The following PNPLA8 variants were observed in gnomAD, a reference collection of about 807,000 sequenced individuals.
The protein encoded by PNPLA8 is calcium-independent phospholipase A2-gamma.
Under a neutral mutation model 76.9 loss-of-function variants are expected in PNPLA8, and 39 were observed. That is an observed-to-expected ratio of 0.51 (90% CI 0.39 to 0.66). PNPLA8 has a LOEUF of 0.66. PNPLA8 is among the 30% of genes least tolerant of loss of function. The probability of loss-of-function intolerance (pLI) is 0.00; values close to 1 mark genes in which losing one functional copy is unlikely to be tolerated. For synonymous variants in PNPLA8, 301 were observed against 307.9 expected (o/e 0.98, Z 0.24); for missense variants, 887 against 918.0 (o/e 0.97, Z 0.44).
chr7:108,515,338 T>C lies in PNPLA8; in HGVS notation c.154A>G (p.Thr52Ala). The change falls in exon 3 of 11, where the codon ACA becomes GCA. Residue 52 changes from threonine (T) to alanine (A), a missense_variant. Transcript: ENST00000257694. ...GTCCATTTACATCTTATTATGTTTG[T>C]ATGAAAACCTCTTTGTAGACTGATG... Reference protein sequence around the residue: ...SHISLQRGFHTNIIRCKWTKS... With the variant: ...SHISLQRGFHANIIRCKWTKS... 2 of 1,613,738 alleles carry C rather than the reference T, an allele frequency of 1.2e-6. No individual in the cohort carries two copies. The highest frequency in any genetic ancestry group is 1.7e-6 in the Non-Finnish European group (2 of 1,179,842).
chr7:108,486,065 C>T (rs1031480010), intron 9 of PNPLA8, among the ~76,000 whole-genome samples: 1 of 152,030 alleles, frequency 6.6e-6, no homozygotes, highest in Non-Finnish European at 1.5e-5. Flanking sequence ...TATCACTAAT[C>T]TATCTGAAAT....
chr7:108,504,539 C>G (rs1199516295), intron 4 of PNPLA8, among the ~76,000 whole-genome samples: 1 of 152,144 alleles, frequency 6.6e-6, no homozygotes, highest in Non-Finnish European at 1.5e-5. Context: ...AACAAAGACC[C>G]AATTCACCCT....
intron 4 of PNPLA8, among the ~76,000 whole-genome samples, chr7:108,506,729 A>C (rs113669945): frequency 2.1e-3 from 323 of 152,214 alleles, no homozygotes; most frequent in African/African-American, 7.0e-3. Flanking sequence ...AACCAGACAT[A>C]TAAGAACACA....
At chr7:108,483,296 T>C (rs1345877013) in intron 9 of PNPLA8, among the ~76,000 whole-genome samples, 1 of 152,196 alleles carries the variant, frequency 6.6e-6, no homozygotes, top group Admixed American at 6.5e-5. Context: ...CACCAATGTG[T>C]AGCTTTGTGA....
chr7:108,480,636 C>A (rs906552492), intron 9 of PNPLA8: 1 of 301,196 alleles, frequency 3.3e-6, no homozygotes, highest in Admixed American at 3.5e-5. Context: ...CTAGTTCAGT[C>A]TCCCACATAT....
chr7:108,483,464 A>G (rs978971117), intron 9 of PNPLA8, among the ~76,000 whole-genome samples: 1 of 152,232 alleles, frequency 6.6e-6, no homozygotes, highest in Non-Finnish European at 1.5e-5. Context: ...CTTCAAAGTC[A>G]CGCATTGAAC....
At chr7:108,486,448 C>G (rs983252172) in intron 9 of PNPLA8, among the ~76,000 whole-genome samples, 10 of 151,952 alleles carry the variant, frequency 6.6e-5, no homozygotes, top group African/African-American at 2.4e-4. Context: ...GTATCAGAAA[C>G]TCAGCAGCCA....
intron 1 of PNPLA8, among the ~76,000 whole-genome samples, chr7:108,523,862 G>A (rs1598988828): frequency 2.0e-5 from 3 of 152,076 alleles, no homozygotes; most frequent in African/African-American, 4.8e-5. Context: ...TTGAAAGTAA[G>A]GGAAAAAAGA....
rs147828742 is a variant in PNPLA8, at chr7:108,514,662, T to A, written c.830A>T (p.Asp277Val). 1.9e-4 allele frequency: 302 copies of A among 1,613,952 alleles called. 1 individual carries two copies. In the African/African-American group the frequency reaches 3.6e-3, roughly 19 times the overall value. ...TTGTTTAGTTGAAACTTGAAGAACA[T>A]CAGGTATCGCAGAAGGACTTGTAGG... ...DKPTSPSAIP[D>V]VLQVSTKQSI... Residue 277 changes from aspartate to valine, a missense_variant, in exon 3 of 11, where the codon GAT (aspartate) becomes GTT (valine). Transcript: ENST00000257694.
intron 4 of PNPLA8, among the ~76,000 whole-genome samples, chr7:108,505,906 A>T (rs1862386357): frequency 6.6e-6 from 1 of 152,222 alleles, no homozygotes. Flanking sequence ...TAATGAAGAA[A>T]AAGTTGGTGA....
intron 6 of PNPLA8, 31 bp downstream of exon 6, chr7:108,497,452 G>A: frequency 7.5e-7 from 1 of 1,341,258 alleles, no homozygotes. Flanking sequence ...TGTACTGCCA[G>A]AATGCACCAC....
At chr7:108,494,874 T>C (rs991948643) in intron 7 of PNPLA8, among the ~76,000 whole-genome samples, 1 of 152,170 alleles carries the variant, frequency 6.6e-6, no homozygotes, top group Non-Finnish European at 1.5e-5. Context: ...TTACAATACA[T>C]TGAGGAATAT....
rs1861170282 is a variant in PNPLA8, at chr7:108,491,551, T to G, written c.1626-84A>C. 13 of 868,560 alleles carry G rather than the reference T, an allele frequency of 1.5e-5. No homozygotes were observed. The South Asian group carries it at 1.8e-4, about 12-fold the overall frequency. The allele number at this position is 868,560 out of a possible 1,614,324, so 53.8% of individuals were successfully genotyped here. On this transcript the variant is annotated intron_variant, in intron 7 of 10. Transcript: ENST00000257694. ...GGAAACATACAGTATGCAATTACTA[T>G]TTGTCCATGGCTTTGTCAAAGTGCT...
intron 4 of PNPLA8, chr7:108,502,903 A>G (rs1862070480): frequency 4.1e-6 from 1 of 245,440 alleles, no homozygotes; most frequent in South Asian, 1.5e-4. Flanking sequence ...AACTAGAGAA[A>G]ATATAATTTA....
intron 2 of PNPLA8, among the ~76,000 whole-genome samples, chr7:108,518,811 G>A (rs1271992042): frequency 1.4e-5 from 2 of 143,182 alleles, no homozygotes; most frequent in Non-Finnish European, 3.0e-5. Flanking sequence ...ATCTACATAT[G>A]CAGTTGAAAT....
intron 7 of PNPLA8, among the ~76,000 whole-genome samples, chr7:108,493,568 C>CA (rs1554681577): frequency 3.1e-4 from 25 of 81,216 alleles, no homozygotes; most frequent in African/African-American, 1.1e-3. Context: ...CCATGCCTGG[C>CA]TTTTTTTTTT....
At chr7:108,489,366 A>G (rs1411447429) in intron 8 of PNPLA8, among the ~76,000 whole-genome samples, 1 of 152,126 alleles carries the variant, frequency 6.6e-6, no homozygotes, top group Non-Finnish European at 1.5e-5. Flanking sequence ...TAAGAACTCT[A>G]TCATTTCCTG....
intron 2 of PNPLA8, among the ~76,000 whole-genome samples, chr7:108,520,262 T>C (rs2154517114): frequency 6.6e-6 from 1 of 152,314 alleles, no homozygotes; most frequent in South Asian, 2.1e-4. Flanking sequence ...GTCAATAAGA[T>C]AAGCCAAGTT....
chr7:108,479,403 G>T (rs1175904303), intron 9 of PNPLA8, 24 bp from the exon 10 acceptor site: 2 of 1,556,206 alleles, frequency 1.3e-6, no homozygotes, highest in Non-Finnish European at 1.8e-6. Flanking sequence ...GTTAAAAAAA[G>T]AAACTTTTAA....
Sources: gnomAD v4.1 joint callset for allele counts (sites outside exome capture counted in the v4.1 genomes callset) on GRCh38, gnomAD v4.1.1 for gene constraint, MANE v1.5 for transcripts, NCBI Gene and HGNC (gene_info 2026-07-23, HGNC 2026-07-21) for gene names.